Variants in MINDY3 observed in about 807,000 individuals in gnomAD.
The protein encoded by MINDY3 is MINDY lysine 48 deubiquitinase 3, also known as ubiquitin carboxyl-terminal hydrolase MINDY-3.
A neutral mutation model predicts 69.2 loss-of-function variants in MINDY3; 38 were observed. That is an observed-to-expected ratio of 0.55 (90% CI 0.42 to 0.72). The LOEUF (loss-of-function observed/expected upper bound fraction) is 0.72. Among genes scored for constraint, MINDY3 ranks in the 30% least tolerant of loss-of-function variants. MINDY3 has a pLI of 0.00. For synonymous variants in MINDY3, 192 were observed against 180.1 expected (o/e 1.07, Z -0.53); for missense variants, 522 against 519.0 (o/e 1.01, Z -0.06).
chr10:15,850,638 C>T (rs1345009460), intron 1 of MINDY3, among the ~76,000 whole-genome samples: 1 of 152,166 alleles, frequency 6.6e-6, no homozygotes, highest in African/African-American at 2.4e-5. Context: ...CGGTTGTCTG[C>T]TCTCAAACCC....
rs893308739 is a variant in MINDY3, at chr10:15,778,332, T to G, written c.*660A>C. The G allele has an allele frequency of 6.6e-6, 1 of 152,202 alleles. No individual in the cohort carries two copies. Among genetic ancestry groups the G allele is most frequent in the Admixed American group, 6.5e-5 (1 of 15,270 alleles). 9.4% of individuals were successfully genotyped at this position (152,202 alleles called of 1,614,324 possible). The stretch of plus-strand genomic sequence containing the variant: ...TTGGGACAAATTTGGAAAAGTGTAT[T>G]TGGCAATTACACAGTAAAAGTTAAC... On this transcript the variant is annotated 3_prime_UTR_variant, in exon 15 of 15. Transcript: ENST00000277632.
intron 11 of MINDY3, among the ~76,000 whole-genome samples, chr10:15,795,324 G>A (rs541035236): frequency 1.3e-5 from 2 of 152,160 alleles, no homozygotes; most frequent in African/African-American, 2.4e-5. Flanking sequence ...GAATTTGCAT[G>A]ACATGGATTT....
intron 10 of MINDY3, among the ~76,000 whole-genome samples, chr10:15,813,868 A>G (rs1036609977): frequency 6.6e-6 from 1 of 151,810 alleles, no homozygotes; most frequent in African/African-American, 2.4e-5. Flanking sequence ...CAACAAACAT[A>G]TCAGTTTTAT....
In MINDY3 at chr10:15,782,910, G is replaced by A. The variant is rs977522126; in HGVS notation, c.1117-684C>T. Among the ~76,000 whole-genome samples, 8 of 152,228 alleles carry A rather than the reference G, an allele frequency of 5.3e-5. No individual in the cohort carries two copies. The East Asian group carries it at 7.7e-4, about 15-fold the overall frequency. On this transcript the variant is annotated intron_variant, in intron 13 of 14. Transcript: ENST00000277632. ...TGCTTTTCAATTAGCTAAAGATCAC[G>A]TTCAACCCTCTTAACCTGGCGTTCA... is the stretch of plus-strand genomic sequence containing the variant.
At chr10:15,850,226 G>A (rs907125581) in intron 1 of MINDY3, among the ~76,000 whole-genome samples, 6 of 151,992 alleles carry the variant, frequency 3.9e-5, no homozygotes, top group Admixed American at 2.0e-4. Flanking sequence ...CATGTATGTC[G>A]CCTCAGGATC....
At position 15,859,457 on chromosome 10, in the gene MINDY3, G is replaced by GTTAC. The variant is rs1176801698; in HGVS notation, c.94+745_94+748dup. 7.2e-5 allele frequency among the ~76,000 whole-genome samples: 11 copies of GTTAC among 152,256 alleles called. No individual in the cohort carries two copies. In the East Asian group the frequency reaches 1.9e-3, roughly 27 times the overall value. Reference sequence around the variant, plus strand: ...TATCCAAACTTAAGAATTAGGGATAGTTACTAGTATAAAGCGCCCAGCCTG... The same window carrying GTTAC: ...TATCCAAACTTAAGAATTAGGGATAGTTACTTACTAGTATAAAGCGCCCAGCCTG... On this transcript the variant is annotated intron_variant, in intron 1 of 14. Coordinates refer to ENST00000277632, the MANE Select transcript of MINDY3 (RefSeq NM_024948.4).
intron 3 of MINDY3, 105 bp downstream of exon 3, chr10:15,843,107 T>C (rs1833595357): frequency 1.1e-6 from 1 of 919,408 alleles, no homozygotes. Context: ...AAAGGAAACC[T>C]CAGGAAAAAA....
At chr10:15,844,444 C>T (rs771836301) in intron 2 of MINDY3, among the ~76,000 whole-genome samples, 16 of 152,056 alleles carry the variant, frequency 1.1e-4, no homozygotes, top group Non-Finnish European at 1.6e-4. Flanking sequence ...AATTTTATTA[C>T]AAGTGAAAAA....
chr10:15,845,813 ATTTTTTTT>A (rs891710697), intron 2 of MINDY3, among the ~76,000 whole-genome samples: 5 of 49,306 alleles, frequency 1.0e-4, no homozygotes, highest in East Asian at 5.7e-4. Context: ...GGCCTATGTG[ATTTTTTTT>A]TTTTTTTTTT....
intron 4 of MINDY3, among the ~76,000 whole-genome samples, chr10:15,840,010 T>C (rs1046655313): frequency 4.6e-5 from 7 of 151,686 alleles, no homozygotes; most frequent in Non-Finnish European, 8.9e-5. Flanking sequence ...GCATATTTCA[T>C]AGTATGCACT....
At chr10:15,799,559 CTTTTACAGA>C (rs1838104049) in intron 10 of MINDY3, among the ~76,000 whole-genome samples, 1 of 152,038 alleles carries the variant, frequency 6.6e-6, no homozygotes, top group Admixed American at 6.6e-5. Context: ...ATCTTAATCA[CTTTTACAGA>C]TTTTACAAAG....
chr10:15,846,123 G>A (rs1443430746), intron 2 of MINDY3, among the ~76,000 whole-genome samples: 2 of 151,868 alleles, frequency 1.3e-5, no homozygotes, highest in African/African-American at 2.4e-5. Flanking sequence ...ACGCCTGGCC[G>A]TGATTCTTAA....
intron 3 of MINDY3, among the ~76,000 whole-genome samples, chr10:15,842,904 C>CAAAAAAAAAAAAAAAAAA (rs370464190): frequency 2.9e-5 from 2 of 68,234 alleles, no homozygotes; most frequent in Non-Finnish European, 5.9e-5. Context: ...AATAAGACTA[C>CAAAAAAAAAAAAAAAAAA]AAAAAAAAAA....
chr10:15,837,805 C>T (rs1432096677), intron 5 of MINDY3: 1 of 979,258 alleles, frequency 1.0e-6, no homozygotes, highest in Non-Finnish European at 1.2e-6. Flanking sequence ...GCCATCTTTA[C>T]CTTTTACTTT....
chr10:15,819,958 T>G (rs1049104082), intron 9 of MINDY3, among the ~76,000 whole-genome samples: 1 of 152,182 alleles, frequency 6.6e-6, no homozygotes. Flanking sequence ...TTCTGGTGAA[T>G]ACGTCCATTC....
chr10:15,846,746 C>A (rs1833876086), intron 2 of MINDY3, among the ~76,000 whole-genome samples: 1 of 139,472 alleles, frequency 7.2e-6, no homozygotes, highest in African/African-American at 2.8e-5. Context: ...TTTTTTGAGA[C>A]AAAGTCTCGC....
At position 15,784,161 on chromosome 10, in the gene MINDY3, A is replaced by T. The variant is rs893887823; in HGVS notation, c.1117-1935T>A. Among the ~76,000 whole-genome samples, 5 of 152,178 alleles carry T rather than the reference A, an allele frequency of 3.3e-5. No homozygotes were observed. The East Asian group carries it at 9.6e-4, about 29-fold the overall frequency. On this transcript the variant is annotated intron_variant, in intron 13 of 14. Coordinates refer to ENST00000277632, the MANE Select transcript of MINDY3 (RefSeq NM_024948.4). ...TCTAATCCTCAATTTCCTCATTGTCAAAATGGGGAAGATAATAGTATGGTG... is the reference window on the plus strand; with the variant it reads ...TCTAATCCTCAATTTCCTCATTGTCTAAATGGGGAAGATAATAGTATGGTG...
intron 3 of MINDY3, among the ~76,000 whole-genome samples, chr10:15,842,394 A>G (rs1833533901): frequency 6.6e-6 from 1 of 151,930 alleles, no homozygotes; most frequent in Admixed American, 6.6e-5. Context: ...AAGTGAATAT[A>G]GTGAATATAG....
At chr10:15,790,911 G>A (rs1370053141) in intron 11 of MINDY3, among the ~76,000 whole-genome samples, 3 of 152,038 alleles carry the variant, frequency 2.0e-5, no homozygotes, top group South Asian at 4.1e-4. Context: ...CAGCCTTTCC[G>A]CAGAAACCAT....
Sources: gnomAD v4.1 joint callset for allele counts (sites outside exome capture counted in the v4.1 genomes callset) on GRCh38, gnomAD v4.1.1 for gene constraint, MANE v1.5 for transcripts, NCBI Gene and HGNC (gene_info 2026-07-23, HGNC 2026-07-21) for gene names.